The following ZFHX3 variants were observed in gnomAD, a reference collection of about 807,000 sequenced individuals.
The protein encoded by ZFHX3 is zinc finger homeobox protein 3.
ZFHX3 carries 42 observed loss-of-function variants against 279.1 expected under a neutral mutation model. The ratio of observed to expected loss-of-function variants is 0.15; its 90% confidence interval spans 0.12 to 0.19. The LOEUF (loss-of-function observed/expected upper bound fraction) is 0.19. Among genes scored for constraint, ZFHX3 ranks in the 10% least tolerant of loss-of-function variants. ZFHX3 has a pLI of 1.00. For synonymous variants in ZFHX3, 2,293 were observed against 1,957.8 expected (o/e 1.17, Z -4.52); for missense variants, 4,981 against 4,754.0 (o/e 1.05, Z -1.40).
intron 5 of ZFHX3, among the ~76,000 whole-genome samples, chr16:73,182,220 G>T (rs1460467109): frequency 6.6e-6 from 1 of 152,230 alleles, no homozygotes; most frequent in African/African-American, 2.4e-5. Context: ...ACTTTGGGAG[G>T]CCAAGGCGGG....
chr16:73,256,113 G>A (rs543606524), intron 5 of ZFHX3, among the ~76,000 whole-genome samples: 4 of 152,144 alleles, frequency 2.6e-5, no homozygotes, highest in East Asian at 3.9e-4. Flanking sequence ...ACAAGATCAC[G>A]CTCGAACATC....
chr16:73,832,645 T>G (rs1340302026), intron 1 of ZFHX3, among the ~76,000 whole-genome samples: 1 of 151,938 alleles, frequency 6.6e-6, no homozygotes, highest in Non-Finnish European at 1.5e-5. Context: ...ACTCCTGGGC[T>G]CAAGCAATCC....
At chr16:73,029,194 C>G (rs1431819803) in intron 1 of ZFHX3, among the ~76,000 whole-genome samples, 1 of 152,270 alleles carries the variant, frequency 6.6e-6, no homozygotes, top group Admixed American at 6.5e-5. Context: ...TTCAATGGCT[C>G]CCACCTGCTC....
chr16:72,903,180 G>A (rs4788482), intron 3 of ZFHX3, among the ~76,000 whole-genome samples: 10,119 of 152,220 alleles, frequency 0.066, 484 homozygotes, highest in Non-Finnish European at 0.11. Flanking sequence ...TGTGGAGGTC[G>A]TTGAGAAAGG....
At chr16:72,790,450 G>A (rs1317865876) in intron 9 of ZFHX3, 1 of 152,176 alleles carries the variant, frequency 6.6e-6, no homozygotes, top group Non-Finnish European at 1.5e-5. Context: ...GGAAAAAAAA[G>A]CAAGAAAAAG....
At chr16:72,848,207 T>A (rs538120919) in intron 4 of ZFHX3, among the ~76,000 whole-genome samples, 1 of 152,172 alleles carries the variant, frequency 6.6e-6, no homozygotes, top group Admixed American at 6.5e-5. Flanking sequence ...CTCTTGGGGA[T>A]GCTGTGTGGT....
At chr16:73,333,188 C>T (rs947414329) in intron 3 of ZFHX3, among the ~76,000 whole-genome samples, 2 of 152,140 alleles carry the variant, frequency 1.3e-5, no homozygotes, top group South Asian at 2.1e-4. Flanking sequence ...TAGATAGACA[C>T]ATAGATGGAT....
chr16:73,448,230 G>A (rs1161664254), intron 3 of ZFHX3, among the ~76,000 whole-genome samples: 1 of 152,062 alleles, frequency 6.6e-6, no homozygotes, highest in African/African-American at 2.4e-5. Flanking sequence ...CTTTAAAAAG[G>A]GAATGAGGTA....
intron 4 of ZFHX3, among the ~76,000 whole-genome samples, chr16:72,848,276 G>A (rs543672566): frequency 2.6e-5 from 4 of 152,224 alleles, no homozygotes; most frequent in South Asian, 2.1e-4. Flanking sequence ...AACCTTTCTC[G>A]GAGCGCATTG....
intron 7 of ZFHX3, among the ~76,000 whole-genome samples, chr16:73,102,278 G>A (rs919498879): frequency 9.2e-5 from 14 of 152,134 alleles, no homozygotes; most frequent in Non-Finnish European, 1.8e-4. Context: ...AGCTCACCTC[G>A]AGATGCCAAA....
At chr16:72,807,165 T>C (rs917962251) in intron 7 of ZFHX3, 3 of 152,212 alleles carry the variant, frequency 2.0e-5, no homozygotes, top group African/African-American at 7.2e-5. Flanking sequence ...TTTCACCAAT[T>C]TGAAATCTCA....
chr16:73,122,212 T>C (rs530321131), intron 7 of ZFHX3, among the ~76,000 whole-genome samples: 1 of 151,632 alleles, frequency 6.6e-6, no homozygotes, highest in Non-Finnish European at 1.5e-5. Context: ...ATACAACTGC[T>C]CTTTTTTTTT....
chr16:73,666,798 G>A (rs1237464461), intron 2 of ZFHX3, among the ~76,000 whole-genome samples: 1 of 151,722 alleles, frequency 6.6e-6, no homozygotes, highest in Non-Finnish European at 1.5e-5. Context: ...CCTTAGCAAC[G>A]ACTGATCTGT....
At chr16:73,873,774 G>A (rs543609951) in intron 1 of ZFHX3, among the ~76,000 whole-genome samples, 12 of 152,224 alleles carry the variant, frequency 7.9e-5, no homozygotes, top group Middle Eastern at 3.4e-3. Context: ...GGAGTTCCCT[G>A]TTTGTGGCTC....
chr16:73,136,466 G>A (rs1597174319), intron 6 of ZFHX3, among the ~76,000 whole-genome samples: 1 of 152,034 alleles, frequency 6.6e-6, no homozygotes, highest in African/African-American at 2.4e-5. Flanking sequence ...GCTCATGCCT[G>A]TAATCCCAAC....
chr16:72,855,878 T>C (rs903338261), intron 4 of ZFHX3, among the ~76,000 whole-genome samples: 4 of 152,154 alleles, frequency 2.6e-5, no homozygotes, highest in African/African-American at 9.7e-5. Context: ...TCTCCCCCAA[T>C]GGCAAGAAAC....
In ZFHX3 at chr16:73,534,648, C is replaced by T. The variant is rs141790420; in HGVS notation, c.-1546-78390G>A. On this transcript the variant is annotated intron_variant, in intron 2 of 17. Coordinates refer to the ZFHX3 transcript ENST00000641206. ...GCATTTGGTTTGAATGATAGGTGTT[C>T]TGAGGATCAAATGAGCTTCATATAC... Among the ~76,000 whole-genome samples the T allele has an allele frequency of 3.9e-3, 589 of 152,290 alleles. 5 individuals carry two copies. The highest frequency in any genetic ancestry group is 0.013 in the African/African-American group (559 of 41,556).
chr16:73,867,028 T>C (rs1962040104), intron 1 of ZFHX3, among the ~76,000 whole-genome samples: 1 of 152,070 alleles, frequency 6.6e-6, no homozygotes, highest in African/African-American at 2.4e-5. Context: ...GGCTGGGCTA[T>C]GTCCTTGGCC....
intron 7 of ZFHX3, among the ~76,000 whole-genome samples, chr16:73,115,502 A>G (rs1413110740): frequency 6.6e-6 from 1 of 151,712 alleles, no homozygotes; most frequent in East Asian, 1.9e-4. Flanking sequence ...GTGAACCGGG[A>G]TCATGCCACT....
Sources: gnomAD v4.1 joint callset for allele counts (sites outside exome capture counted in the v4.1 genomes callset) on GRCh38, gnomAD v4.1.1 for gene constraint, MANE v1.5 for transcripts, NCBI Gene and HGNC (gene_info 2026-07-23, HGNC 2026-07-21) for gene names.